Variants in TSPAN13 observed in about 807,000 individuals in gnomAD.
TSPAN13 encodes tetraspanin-13.
Under a neutral mutation model 26.9 loss-of-function variants are expected in TSPAN13, and 18 were observed. That is an observed-to-expected ratio of 0.67 (90% confidence interval 0.46 to 0.99). The LOEUF (loss-of-function observed/expected upper bound fraction) is 0.99, where lower values mean the gene tolerates loss of function less well. Among genes scored for constraint, TSPAN13 ranks in the 50% least tolerant of loss-of-function variants. The probability of loss-of-function intolerance (pLI) is 0.00; values close to 1 mark genes in which losing one functional copy is unlikely to be tolerated. For missense variants in TSPAN13, 201 were observed against 249.6 expected (o/e 0.81, Z 1.31); for synonymous variants, 116 against 98.4 (o/e 1.18, Z -1.06).
intron 1 of TSPAN13, among the ~76,000 whole-genome samples, chr7:16,774,922 T>C (rs982424447): frequency 2.0e-5 from 3 of 152,210 alleles, no homozygotes; most frequent in South Asian, 2.1e-4. Context: ...TCTCTACATA[T>C]GTAAGGTTTA....
intron 5 of TSPAN13, among the ~76,000 whole-genome samples, chr7:16,781,305 A>T (rs991406365): frequency 1.3e-4 from 20 of 152,138 alleles, no homozygotes; most frequent in African/African-American, 4.6e-4. Flanking sequence ...GTACCAGCTT[A>T]TTGCATATTC....
chr7:16,762,967 C>G (rs1784562462), intron 1 of TSPAN13, among the ~76,000 whole-genome samples: 1 of 152,124 alleles, frequency 6.6e-6, no homozygotes, highest in African/African-American at 2.4e-5. Context: ...CCTGTGAACC[C>G]ATGACCACAT....
At chr7:16,772,996 C>CA (rs949650125) in intron 1 of TSPAN13, among the ~76,000 whole-genome samples, 1 of 151,486 alleles carries the variant, frequency 6.6e-6, no homozygotes, top group African/African-American at 2.4e-5. Context: ...ACTCTGTCTC[C>CA]AAAAAATAAA....
chr7:16,755,129 C>A (rs914268897), intron 1 of TSPAN13, among the ~76,000 whole-genome samples: 1 of 151,934 alleles, frequency 6.6e-6, no homozygotes, highest in Non-Finnish European at 1.5e-5. Flanking sequence ...ATATACCTGG[C>A]GCTTTGCAGC....
Position 16,776,192 on chromosome 7 carries a change from C to T in TSPAN13, c.64-19C>T, listed in dbSNP as rs1784741874. On this transcript the variant is annotated intron_variant, in intron 1 of 5. Transcript: ENST00000262067. ...CCTCTCTCTCGTCCTCTACCCCTGC[C>T]CCCTGGGTGTTTTTGCAGTTGGTTA... 4 of 1,611,362 alleles carry T rather than the reference C, an allele frequency of 2.5e-6. No individual in the cohort carries two copies. Among genetic ancestry groups the T allele is most frequent in the Admixed American group, 3.3e-5 (2 of 59,908 alleles).
intron 1 of TSPAN13, among the ~76,000 whole-genome samples, chr7:16,769,583 T>G (rs1372241568): frequency 6.6e-6 from 1 of 152,126 alleles, no homozygotes; most frequent in Non-Finnish European, 1.5e-5. Context: ...TGAAAAAAAT[T>G]TTTTTTGGTG....
chr7:16,755,633 A>G (rs919199158), intron 1 of TSPAN13, among the ~76,000 whole-genome samples: 2 of 150,638 alleles, frequency 1.3e-5, no homozygotes, highest in Middle Eastern at 6.5e-3. Context: ...TTTTCTGCCA[A>G]TGATTTAGTC....
chr7:16,765,869 C>T (rs896564568), intron 1 of TSPAN13, among the ~76,000 whole-genome samples: 6 of 152,294 alleles, frequency 3.9e-5, no homozygotes, highest in African/African-American at 1.4e-4. Flanking sequence ...CTAGCAAGTT[C>T]TAGTGACAAA....
rs576170708 is a variant in TSPAN13 at position 16,761,985 on chromosome 7, T to C, written c.63+7955T>C. Among the ~76,000 whole-genome samples, 40 of 152,310 alleles carry C rather than the reference T, an allele frequency of 2.6e-4. 1 individual carries two copies. The South Asian group carries it at 7.9e-3, about 30-fold the overall frequency. ...GTGCTAACAAAACATTTTTGAATAA[T>C]TTACAACATCTAATCTGTCTTTTTG... On this transcript the variant is annotated intron_variant, in intron 1 of 5. Coordinates refer to ENST00000262067, the MANE Select transcript of TSPAN13 (RefSeq NM_014399.4).
chr7:16,774,069 A>T (rs1784712540), intron 1 of TSPAN13, among the ~76,000 whole-genome samples: 2 of 152,214 alleles, frequency 1.3e-5, no homozygotes, highest in South Asian at 4.1e-4. Flanking sequence ...ACCTTCCATC[A>T]TGTGAGTGGG....
At chr7:16,768,454 T>C (rs1378525847) in intron 1 of TSPAN13, among the ~76,000 whole-genome samples, 1 of 152,226 alleles carries the variant, frequency 6.6e-6, no homozygotes, top group Non-Finnish European at 1.5e-5. Context: ...TGCACAGCTT[T>C]TCCCATCTGG....
chr7:16,775,229 C>T (rs1474437153), intron 1 of TSPAN13, among the ~76,000 whole-genome samples: 2 of 152,150 alleles, frequency 1.3e-5, no homozygotes, highest in Admixed American at 1.3e-4. Context: ...CCTATGTAAG[C>T]TTCATCTTCT....
chr7:16,783,581 G>GAA lies in TSPAN13; in HGVS notation c.*92_*93dup. The stretch of plus-strand genomic sequence containing the variant: ...AGCTCCATTTGCCAGTTTAAGGAAG[G>GAA]AAACACTATCTGGAAAAGTACCTTA... On this transcript the variant is annotated 3_prime_UTR_variant, in exon 6 of 6. Coordinates refer to ENST00000262067, the MANE Select transcript of TSPAN13 (RefSeq NM_014399.4). 8.4e-7 allele frequency: 1 copy of GAA among 1,191,628 alleles called. No homozygotes were observed. Among genetic ancestry groups the GAA allele is most frequent in the Non-Finnish European group, 1.2e-6 (1 of 802,078 alleles). 73.8% of individuals were successfully genotyped at this position (1,191,628 alleles called of 1,614,324 possible). A position where few individuals can be genotyped will look rare whatever the true frequency, so the allele number is the denominator to read the frequency against.
At position 16,783,695 on chromosome 7, in the gene TSPAN13, C is replaced by T; in HGVS notation, c.*204C>T. The T allele has an allele frequency of 1.7e-6, 1 of 577,848 alleles. No homozygotes were observed. The highest frequency in any genetic ancestry group is 2.4e-5 in the South Asian group (1 of 41,478). The allele number at this position is 577,848 out of a possible 1,614,324, so 35.8% of individuals were successfully genotyped here. On this transcript the variant is annotated 3_prime_UTR_variant, in exon 6 of 6. Transcript: ENST00000262067. ...GAAAAATATTTGAAACTTGTGGTCT[C>T]TGAAGCTCGGTGGCACCTGGAATTT...
chr7:16,781,263 T>A (rs897672284), intron 5 of TSPAN13, among the ~76,000 whole-genome samples: 2 of 152,174 alleles, frequency 1.3e-5, no homozygotes, highest in Admixed American at 6.5e-5. Flanking sequence ...GTGGCATATT[T>A]CCTTCTGCCC....
chr7:16,754,474 C>T (rs1245966859), intron 1 of TSPAN13, among the ~76,000 whole-genome samples: 1 of 152,194 alleles, frequency 6.6e-6, no homozygotes, highest in Non-Finnish European at 1.5e-5. Flanking sequence ...ACTGACGAGG[C>T]GGCATATGGC....
chr7:16,764,343 AC>A (rs1223276176), intron 1 of TSPAN13, among the ~76,000 whole-genome samples: 1 of 152,072 alleles, frequency 6.6e-6, no homozygotes, highest in Non-Finnish European at 1.5e-5. Context: ...GTTCTTTAAT[AC>A]CATTATTGTA....
Position 16,754,038 on chromosome 7 carries a change from TC to T in TSPAN13, c.63+12del, listed in dbSNP as rs954358144. On this transcript the variant is annotated intron_variant, in intron 1 of 5. Transcript: ENST00000262067. The stretch of plus-strand genomic sequence containing the variant: ...CTCAACCTGCTTTACACCGTGAGTA[TC>T]CCCAGTCCGTTCCTGCTCGCTTGGG... The T allele has an allele frequency of 6.2e-7, 1 of 1,613,364 alleles. No homozygotes were observed. The highest frequency in any genetic ancestry group is 1.3e-5 in the African/African-American group (1 of 74,888).
chr7:16,753,981 G>C lies in TSPAN13; in HGVS notation c.14G>C (p.Gly5Ala), dbSNP rs200364974. ...ACAGGTTCCAAGATGGTTTGCGGGG[G>C]CTTCGCGTGTTCCAAGAACTGCCTG... is the stretch of plus-strand genomic sequence containing the variant. Reference protein sequence around the residue: MVCGGFACSKNCLCA... With the variant: MVCGAFACSKNCLCA... Residue 5 changes from glycine (G) to alanine (A), a missense_variant, in exon 1 of 6, where the codon GGC (glycine) becomes GCC (alanine). Gly to Ala is a moderately conservative substitution (Grantham distance 60). Coordinates refer to ENST00000262067, the MANE Select transcript of TSPAN13 (RefSeq NM_014399.4). 1.9e-5 allele frequency: 30 copies of C among 1,613,426 alleles called. No homozygotes were observed. Among genetic ancestry groups the C allele is most frequent in the Non-Finnish European group, 2.5e-5 (29 of 1,179,662 alleles).
Sources: allele counts gnomAD v4.1 joint callset (sites outside exome capture counted in the v4.1 genomes callset), GRCh38; gene constraint gnomAD v4.1.1; transcripts MANE v1.5; gene names NCBI Gene and HGNC (gene_info 2026-07-23, HGNC 2026-07-21).